The following C12orf42 variants were observed in gnomAD, a reference collection of about 807,000 sequenced individuals.
The protein encoded by C12orf42 is uncharacterized protein C12orf42.
Under a neutral mutation model 21.6 loss-of-function variants are expected in C12orf42, and 25 were observed. The ratio of observed to expected loss-of-function variants is 1.16; its 90% CI spans 0.84 to 1.62. The LOEUF (loss-of-function observed/expected upper bound fraction) is 1.62. Among genes scored for constraint, C12orf42 ranks in the 40% most tolerant of loss-of-function variants. C12orf42 has a pLI of 0.00. For synonymous variants in C12orf42, 174 were observed against 175.0 expected, an observed-to-expected ratio of 0.99 and a Z score of 0.05; for missense variants, 483 against 459.3, an observed-to-expected ratio of 1.05 and a Z score of -0.47.
At chr12:103,146,546 AGAAAT>A in the C12orf42 span, among the ~76,000 whole-genome samples, 13 of 78,588 alleles carry the variant, frequency 1.7e-4, no homozygotes, top group Non-Finnish European at 3.0e-4. Flanking sequence ...AGAAAGAAAG[AGAAAT>A]AAAGAAAGAA....
chr12:103,143,549 A>AC, the C12orf42 span, among the ~76,000 whole-genome samples: 3 of 151,968 alleles, frequency 2.0e-5, no homozygotes, highest in Non-Finnish European at 2.9e-5. Flanking sequence ...TTGCTTCCCC[A>AC]CCCCCATTGC....
chr12:103,236,094 C>A (rs544135981), downstream of C12orf42, among the ~76,000 whole-genome samples: 6 of 151,996 alleles, frequency 3.9e-5, 1 homozygote, highest in East Asian at 1.2e-3. Context: ...TATTTTTTTT[C>A]TTTATGAACA....
At chr12:103,449,141 T>C (rs770099265) in intron 2 of C12orf42, among the ~76,000 whole-genome samples, 8 of 148,702 alleles carry the variant, frequency 5.4e-5, no homozygotes, top group Non-Finnish European at 9.0e-5. Flanking sequence ...ACAGACACCA[T>C]GGAATACTAC....
the C12orf42 span, among the ~76,000 whole-genome samples, chr12:103,080,702 C>G: frequency 6.6e-6 from 1 of 152,120 alleles, no homozygotes; most frequent in East Asian, 1.9e-4. Context: ...CAACCAATTT[C>G]TGTTTTAGCT....
At chr12:103,267,440 AC>A (rs2035225691), downstream of C12orf42, among the ~76,000 whole-genome samples, 2 of 152,164 alleles carry the variant, frequency 1.3e-5, no homozygotes, top group Non-Finnish European at 2.9e-5. Flanking sequence ...ATATATGTAT[AC>A]ATACATATAC....
At chr12:103,460,537 C>G (rs755527744) in intron 2 of C12orf42, among the ~76,000 whole-genome samples, 1 of 152,118 alleles carries the variant, frequency 6.6e-6, no homozygotes, top group Non-Finnish European at 1.5e-5. Context: ...GTCTTGGACT[C>G]GCTCTCCAGT....
rs142266194 is a variant in C12orf42 at position 103,376,592 on chromosome 12, CCTGT to C, written c.148-7598_148-7595del. 4.2e-3 allele frequency among the ~76,000 whole-genome samples: 637 copies of C among 152,078 alleles called. 4 individuals are homozygous for C. Among genetic ancestry groups the C allele is most frequent in the African/African-American group, 0.015 (608 of 41,496 alleles). ...ATAATAATTAAAAAAAGAAAATTTCCCTGTCTTTTAGCATCAAAAGCTGGTGTAG... is the reference window on the plus strand; with the variant it reads ...ATAATAATTAAAAAAAGAAAATTTCCCTTTTAGCATCAAAAGCTGGTGTAG... On this transcript the variant is annotated intron_variant, in intron 3 of 5. Coordinates refer to ENST00000548883, the MANE Select transcript of C12orf42 (RefSeq NM_198521.5).
the C12orf42 span, chr12:103,558,320 G>A: frequency 1.3e-5 from 2 of 152,272 alleles, no homozygotes; most frequent in African/African-American, 4.8e-5. Context: ...GAAATCCCAA[G>A]TCCTTCTTGT....
In C12orf42 at chr12:103,462,096, GTTTTTTTTTT is replaced by G. The variant is rs71097979; in HGVS notation, c.78+16243_78+16252del. Among the ~76,000 whole-genome samples, 126 of 27,738 alleles carry G rather than the reference GTTTTTTTTTT, an allele frequency of 4.5e-3. 3 individuals carry two copies. The highest frequency in any genetic ancestry group is 0.016 in the African/African-American group (113 of 7,046). 18.2% of individuals were successfully genotyped at this position (27,738 alleles called of 152,430 possible). ...CCATTTTTGTTTTGTTTTTTGCTTG[GTTTTTTTTTT>G]TTTTTTTTTTTTTTTTTTGAGACAG... On this transcript the variant is annotated intron_variant, in intron 2 of 5. Coordinates refer to ENST00000548883, the MANE Select transcript of C12orf42 (RefSeq NM_198521.5).
chr12:103,101,602 A>ATATCG, the C12orf42 span, among the ~76,000 whole-genome samples: 1 of 151,988 alleles, frequency 6.6e-6, no homozygotes, highest in East Asian at 1.9e-4. Flanking sequence ...CTCTGCTATC[A>ATATCG]TCCATGTCTA....
At chr12:103,265,743 C>A (rs1412884628), downstream of C12orf42, among the ~76,000 whole-genome samples, 1 of 152,044 alleles carries the variant, frequency 6.6e-6, no homozygotes, top group African/African-American at 2.4e-5. Flanking sequence ...GTCAGCATCT[C>A]GTGGTAAAAT....
chr12:103,171,903 G>T, the C12orf42 span, among the ~76,000 whole-genome samples: 1 of 152,260 alleles, frequency 6.6e-6, no homozygotes, highest in South Asian at 2.1e-4. Flanking sequence ...GGCACAGAAA[G>T]ACTAAAGTGG....
At chr12:103,478,193 T>C in intron 2 of C12orf42, 156 bp downstream of exon 2, 1 of 549,492 alleles carries the variant, frequency 1.8e-6, no homozygotes. Flanking sequence ...TGCTATAATT[T>C]ACAATGATGT....
chr12:103,144,075 CATT>C, the C12orf42 span, among the ~76,000 whole-genome samples: 1 of 152,092 alleles, frequency 6.6e-6, no homozygotes, highest in Non-Finnish European at 1.5e-5. Flanking sequence ...CTATGTTTAT[CATT>C]ATTATTATCT....
chr12:103,286,387 C>T lies in C12orf42; in HGVS notation n.338-9177G>A, dbSNP rs557383241. On this transcript the variant is annotated intron_variant and non_coding_transcript_variant, in intron 4 of 6. Transcript: ENST00000546526. ...TAGCACAATTGTTAGAAATAGATGC[C>T]CATGTAGTCAGGCCTCAACTTAGCT... Among the ~76,000 whole-genome samples the T allele has an allele frequency of 2.6e-5, 4 of 151,376 alleles. No individual in the cohort carries two copies. In the East Asian group the frequency reaches 7.8e-4, roughly 29 times the overall value.
chr12:103,164,769 C>T, the C12orf42 span: 9 of 451,182 alleles, frequency 2.0e-5, 1 homozygote, highest in South Asian at 1.4e-4. Flanking sequence ...CAAGAGTAGG[C>T]TTTGATTCTG....
intron 10 of C12orf42, among the ~76,000 whole-genome samples, chr12:103,250,542 C>T (rs140298391): frequency 6.6e-6 from 1 of 152,194 alleles, no homozygotes; most frequent in East Asian, 1.9e-4. Context: ...GAAAGGGAAA[C>T]AATGAATGTC....
At chr12:103,099,985 A>C in the C12orf42 span, among the ~76,000 whole-genome samples, 1 of 152,326 alleles carries the variant, frequency 6.6e-6, no homozygotes, top group Middle Eastern at 3.4e-3. Flanking sequence ...TATTTTTGCC[A>C]GATGGAATAA....
chr12:103,320,816 A>G (rs1258420720), intron 4 of C12orf42, among the ~76,000 whole-genome samples: 1 of 152,138 alleles, frequency 6.6e-6, no homozygotes, highest in Non-Finnish European at 1.5e-5. Context: ...CTCCCTGTCT[A>G]CTGAATGACT....
Sources: allele counts gnomAD v4.1 joint callset (sites outside exome capture counted in the v4.1 genomes callset), GRCh38; gene constraint gnomAD v4.1.1; transcripts MANE v1.5; gene names NCBI Gene and HGNC (gene_info 2026-07-23, HGNC 2026-07-21).